Variants in CNTNAP5 observed in about 807,000 individuals in gnomAD.
CNTNAP5 encodes the protein contactin-associated protein-like 5.
In CNTNAP5, 72 loss-of-function variants were observed where a neutral mutation model predicts 150.2. The observed-to-expected ratio is 0.48, with a 90% CI of 0.40 to 0.58. The LOEUF (loss-of-function observed/expected upper bound fraction) is 0.58, where lower values mean the gene tolerates loss of function less well. Ranked by LOEUF, CNTNAP5 falls within the 20% of genes least tolerant of loss-of-function variation. The pLI, the probability that CNTNAP5 is intolerant of heterozygous loss-of-function variation, is 0.00. For missense variants in CNTNAP5, 1,636 were observed against 1,626.2 expected (o/e 1.01, Z -0.10); for synonymous variants, 672 against 619.8 (o/e 1.08, Z -1.25).
intron 19 of CNTNAP5, among the ~76,000 whole-genome samples, chr2:124,820,240 G>T (rs1197188212): frequency 6.6e-6 from 1 of 152,152 alleles, no homozygotes; most frequent in Non-Finnish European, 1.5e-5. Context: ...CATTTTGAAA[G>T]TCTCAGAATA....
At chr2:124,424,909 G>C (rs941235618) in intron 4 of CNTNAP5, among the ~76,000 whole-genome samples, 1 of 152,178 alleles carries the variant, frequency 6.6e-6, no homozygotes. Context: ...AGCTAACACT[G>C]TTTCCTGATG....
intron 1 of CNTNAP5, among the ~76,000 whole-genome samples, chr2:124,079,546 C>T (rs943409977): frequency 3.9e-5 from 6 of 152,184 alleles, no homozygotes; most frequent in Non-Finnish European, 7.4e-5. Flanking sequence ...TTGTACAAAT[C>T]GTTTCAAACA....
At chr2:124,101,524 G>T (rs896056343) in intron 1 of CNTNAP5, among the ~76,000 whole-genome samples, 2 of 152,198 alleles carry the variant, frequency 1.3e-5, no homozygotes, top group Admixed American at 1.3e-4. Flanking sequence ...AGGCATATTT[G>T]AAGGTGGTTT....
intron 13 of CNTNAP5, among the ~76,000 whole-genome samples, chr2:124,656,710 G>T (rs1678465220): frequency 6.6e-6 from 1 of 152,142 alleles, no homozygotes; most frequent in Non-Finnish European, 1.5e-5. Flanking sequence ...AATCAAAGTT[G>T]ATTGCCCAAG....
intron 1 of CNTNAP5, among the ~76,000 whole-genome samples, chr2:124,134,392 C>T (rs1218610396): frequency 2.0e-5 from 3 of 152,000 alleles, no homozygotes; most frequent in Non-Finnish European, 4.4e-5. Context: ...CAAGGCAAGC[C>T]ATTTATATTA....
At chr2:124,769,874 A>C (rs908990184) in intron 16 of CNTNAP5, among the ~76,000 whole-genome samples, 2 of 152,252 alleles carry the variant, frequency 1.3e-5, no homozygotes, top group East Asian at 3.9e-4. Flanking sequence ...TCATCTGTAA[A>C]AGATTCCCTG....
In CNTNAP5 at chr2:124,772,825, G is replaced by C. The variant is rs1681233244; in HGVS notation, c.2560G>C (p.Asp854His). Residue 854 changes from aspartate to histidine, a missense_variant, in exon 17 of 24, where the codon GAT (aspartate) becomes CAT (histidine). Physicochemically the swap from Asp to His is moderately conservative, Grantham distance 81. Coordinates refer to ENST00000682447, the MANE Select transcript of CNTNAP5 (RefSeq NM_001367498.1). ...TCCTTCAGAGATCACCTTTGCCATCGATGTTGGGAATGGTCCTGTGGAGCT... is the reference window on the plus strand; with the variant it reads ...TCCTTCAGAGATCACCTTTGCCATCCATGTTGGGAATGGTCCTGTGGAGCT... ...SSPSEITFAIDVGNGPVELVV... is the reference protein window; with the variant it reads ...SSPSEITFAIHVGNGPVELVV... The C allele has an allele frequency of 1.9e-6, 3 of 1,613,562 alleles. No individual in the cohort carries two copies. Among genetic ancestry groups the C allele is most frequent in the Non-Finnish European group, 2.5e-6 (3 of 1,179,670 alleles).
chr2:124,339,306 G>A (rs1017063831), intron 3 of CNTNAP5, among the ~76,000 whole-genome samples: 5 of 152,060 alleles, frequency 3.3e-5, no homozygotes, highest in Admixed American at 2.0e-4. Context: ...ACAAATGAAA[G>A]GCTCATATTT....
At chr2:124,399,467 T>C (rs1691349008) in intron 3 of CNTNAP5, among the ~76,000 whole-genome samples, 1 of 152,026 alleles carries the variant, frequency 6.6e-6, no homozygotes, top group Non-Finnish European at 1.5e-5. Flanking sequence ...TTGGCGAAAA[T>C]TGACTATAGG....
At chr2:124,670,006 C>T (rs1678777084) in intron 13 of CNTNAP5, among the ~76,000 whole-genome samples, 3 of 152,114 alleles carry the variant, frequency 2.0e-5, no homozygotes, top group Admixed American at 1.3e-4. Context: ...TGTCCATCCC[C>T]ATCCCCATTT....
At position 124,058,256 on chromosome 2, in the gene CNTNAP5, T is replaced by A. The variant is rs932507229; in HGVS notation, c.82+32524T>A. 2.0e-5 allele frequency among the ~76,000 whole-genome samples: 3 copies of A among 152,272 alleles called. No homozygotes were observed. In the East Asian group the frequency reaches 5.8e-4, roughly 29 times the overall value. ...AGAATAAAGACAAAATTTTATGGAA[T>A]GTTATATAAGGTTTTGCATAATCCA... On this transcript the variant is annotated intron_variant, in intron 1 of 23. Transcript: ENST00000682447.
intron 3 of CNTNAP5, among the ~76,000 whole-genome samples, chr2:124,376,945 T>C (rs1221439680): frequency 2.6e-5 from 4 of 152,130 alleles, no homozygotes; most frequent in Non-Finnish European, 4.4e-5. Flanking sequence ...GAAATATTGA[T>C]ACCTATGCAT....
intron 1 of CNTNAP5, among the ~76,000 whole-genome samples, chr2:124,193,409 T>A (rs1685504348): frequency 6.6e-6 from 1 of 152,216 alleles, no homozygotes; most frequent in Non-Finnish European, 1.5e-5. Context: ...CAGAGATCTT[T>A]GTATCTTTTG....
At chr2:124,410,190 A>G (rs144826250) in intron 3 of CNTNAP5, among the ~76,000 whole-genome samples, 23,215 of 150,528 alleles carry the variant, frequency 0.15, 1,851 homozygotes, top group Non-Finnish European at 0.19. Flanking sequence ...TATCCTAAAT[A>G]TATATGCACC....
intron 10 of CNTNAP5, among the ~76,000 whole-genome samples, chr2:124,537,099 A>T (rs1695253208): frequency 6.6e-6 from 1 of 152,078 alleles, no homozygotes; most frequent in African/African-American, 2.4e-5. Context: ...CAATGTTGTG[A>T]GGTTAATATT....
intron 7 of CNTNAP5, among the ~76,000 whole-genome samples, chr2:124,498,902 T>C (rs1253028608): frequency 6.6e-6 from 1 of 151,918 alleles, no homozygotes; most frequent in Admixed American, 6.6e-5. Context: ...ATACCCAAGG[T>C]TAGAGAAACA....
intron 18 of CNTNAP5, among the ~76,000 whole-genome samples, chr2:124,794,328 T>C (rs1681798761): frequency 6.6e-6 from 1 of 152,180 alleles, no homozygotes; most frequent in Non-Finnish European, 1.5e-5. Context: ...ATCTACGAGA[T>C]GTGGGAAGCG....
At chr2:124,441,101 T>C (rs998715493) in intron 5 of CNTNAP5, among the ~76,000 whole-genome samples, 2 of 152,118 alleles carry the variant, frequency 1.3e-5, no homozygotes, top group Non-Finnish European at 2.9e-5. Flanking sequence ...GTTTTCCCAA[T>C]TTTTTAACCA....
At chr2:124,704,175 A>G (rs976444107) in intron 13 of CNTNAP5, among the ~76,000 whole-genome samples, 10 of 152,182 alleles carry the variant, frequency 6.6e-5, no homozygotes, top group Non-Finnish European at 1.5e-4. Flanking sequence ...CAAAGATTGC[A>G]CTGGGAGTGG....
Sources: gnomAD v4.1 joint callset for allele counts (sites outside exome capture counted in the v4.1 genomes callset) on GRCh38, gnomAD v4.1.1 for gene constraint, MANE v1.5 for transcripts, NCBI Gene and HGNC (gene_info 2026-07-23, HGNC 2026-07-21) for gene names.